The following VPS53 variants were observed in gnomAD, a reference collection of about 807,000 sequenced individuals.
VPS53 encodes VPS53 subunit of GARP complex.
VPS53 carries 70 observed loss-of-function variants against 107.0 expected under a neutral mutation model. The ratio of observed to expected loss-of-function variants is 0.65; its 90% confidence interval spans 0.54 to 0.80. VPS53 has a LOEUF of 0.80. Ranked by LOEUF, VPS53 falls within the 30% of genes least tolerant of loss-of-function variation. The pLI is 0.00. For synonymous variants in VPS53, 409 were observed against 393.3 expected (o/e 1.04, Z -0.47); for missense variants, 917 against 1,049.4 (o/e 0.87, Z 1.74).
intron 4 of VPS53, among the ~76,000 whole-genome samples, chr17:687,148 G>A (rs1402681719): frequency 6.6e-6 from 1 of 152,146 alleles, no homozygotes; most frequent in Non-Finnish European, 1.5e-5. Flanking sequence ...AGCCAGGCGT[G>A]GTGGTGGTCG....
intron 4 of VPS53, among the ~76,000 whole-genome samples, chr17:688,617 G>A (rs1468621400): frequency 6.6e-6 from 1 of 152,032 alleles, no homozygotes; most frequent in Non-Finnish European, 1.5e-5. Context: ...CACTCTAGAA[G>A]CAGGCAAAAT....
chr17:631,729 C>G (rs1351836126), intron 7 of VPS53, 101 bp from the exon 8 acceptor site: 11 of 1,072,778 alleles, frequency 1.0e-5, no homozygotes, highest in Non-Finnish European at 1.5e-5. Flanking sequence ...CGAGAAAGGC[C>G]AGGAAGGGTA....
chr17:671,600 C>T (rs985516958), intron 4 of VPS53, among the ~76,000 whole-genome samples: 7 of 152,178 alleles, frequency 4.6e-5, no homozygotes, highest in African/African-American at 1.4e-4. Context: ...GAATCGTTTA[C>T]CCAACACTCT....
At chr17:604,414 G>T (rs749946512) in intron 11 of VPS53, among the ~76,000 whole-genome samples, 1 of 152,108 alleles carries the variant, frequency 6.6e-6, no homozygotes, top group African/African-American at 2.4e-5. Flanking sequence ...TACTCTCGCC[G>T]GTGTAAAGCA....
rs948068087 is a variant in VPS53, at chr17:519,453, T to G, written c.2329-155A>C. Among the ~76,000 whole-genome samples, 1 of 151,678 alleles carries G rather than the reference T, an allele frequency of 6.6e-6. No homozygotes were observed. Among genetic ancestry groups the G allele is most frequent in the Non-Finnish European group, 1.5e-5 (1 of 67,932 alleles). ...AACCGTTTCCTCAAGGGACTCACCA[T>G]CCCCTGGGTAGTAGCGTGGGAGGAA... On this transcript the variant is annotated intron_variant, in intron 21 of 21. Transcript: ENST00000437048. This position sits in a 1 kb window ranked among gnomAD's most constrained non-coding sequence, Gnocchi z 5.0.
At chr17:661,752 A>G (rs920553618) in intron 5 of VPS53, 57 bp downstream of exon 5, 7 of 1,500,052 alleles carry the variant, frequency 4.7e-6, no homozygotes, top group Non-Finnish European at 4.5e-6. Flanking sequence ...GAATGCCTAG[A>G]TGAGAAGCTC....
chr17:579,832 T>C (rs1287437030), intron 13 of VPS53, among the ~76,000 whole-genome samples: 1 of 150,006 alleles, frequency 6.7e-6, no homozygotes, highest in African/African-American at 2.5e-5. Context: ...CCAGGGAACC[T>C]CCCTCATAAC....
intron 20 of VPS53, among the ~76,000 whole-genome samples, chr17:521,312 T>C (rs1221632933): frequency 1.3e-5 from 2 of 152,214 alleles, no homozygotes; most frequent in Non-Finnish European, 2.9e-5. Flanking sequence ...ATCCCTGACA[T>C]ACACTGATTC....
rs183940247 is a variant in VPS53, at chr17:539,552, T to C, written c.1867-2376A>G. Among the ~76,000 whole-genome samples, 23 of 152,340 alleles carry C rather than the reference T, an allele frequency of 1.5e-4. No homozygotes were observed. In the East Asian group the frequency reaches 3.5e-3, roughly 23 times the overall value. On this transcript the variant is annotated intron_variant, in intron 17 of 21. Coordinates refer to ENST00000437048, the MANE Select transcript of VPS53 (RefSeq NM_001128159.3). ...TAAAAGGTGACCTTACCTTTAGTAT[T>C]TTTTAAAAATGTGGCACACGCCTAT... is the stretch of plus-strand genomic sequence containing the variant.
At chr17:665,571 A>C (rs1971645405) in intron 4 of VPS53, among the ~76,000 whole-genome samples, 1 of 152,226 alleles carries the variant, frequency 6.6e-6, no homozygotes, top group Non-Finnish European at 1.5e-5. Context: ...CTTGAAGTGA[A>C]GGCTGGAAAA....
chr17:656,714 G>GTT, intron 5 of VPS53: 1 of 671,468 alleles, frequency 1.5e-6, no homozygotes, highest in East Asian at 2.7e-5. Flanking sequence ...GTGTGTGTGT[G>GTT]TGTGTGTGTG....
chr17:662,471 C>CTT (rs1309658905), intron 4 of VPS53, among the ~76,000 whole-genome samples: 1 of 151,940 alleles, frequency 6.6e-6, no homozygotes, highest in Non-Finnish European at 1.5e-5. Context: ...GGGCAGATCA[C>CTT]GAGGTCAGGA....
At chr17:618,208 C>T (rs532070909) in intron 11 of VPS53, among the ~76,000 whole-genome samples, 22 of 79,840 alleles carry the variant, frequency 2.8e-4, no homozygotes, top group African/African-American at 7.2e-4. Flanking sequence ...TGCGCCACCA[C>T]GCCCCACTAA....
chr17:585,185 C>A (rs570168809), intron 13 of VPS53, among the ~76,000 whole-genome samples: 17 of 152,282 alleles, frequency 1.1e-4, no homozygotes, highest in African/African-American at 4.1e-4. Context: ...TAATCGAAGT[C>A]CCCAATAATG....
chr17:525,458 G>C (rs146358873), intron 19 of VPS53, among the ~76,000 whole-genome samples: 1 of 152,242 alleles, frequency 6.6e-6, no homozygotes, highest in Admixed American at 6.5e-5. Context: ...GGAGGCTGAG[G>C]CAGAAGGATC....
intron 4 of VPS53, among the ~76,000 whole-genome samples, chr17:678,469 C>A (rs954707176): frequency 2.6e-5 from 4 of 151,448 alleles, no homozygotes; most frequent in African/African-American, 9.7e-5. Context: ...AATAAAAATT[C>A]TTTTTTATTT....
rs551325221 is a variant in VPS53, at chr17:604,586, G to A, written c.1117-2690C>T. On this transcript the variant is annotated intron_variant, in intron 11 of 21. Transcript: ENST00000437048. ...AGCCTCCTGAGTAGCTGGGACTACAGGTGCACATCACCACACCCAAGTAAT... is the reference window on the plus strand; with the variant it reads ...AGCCTCCTGAGTAGCTGGGACTACAAGTGCACATCACCACACCCAAGTAAT... 2.0e-5 allele frequency among the ~76,000 whole-genome samples: 3 copies of A among 152,308 alleles called. No individual in the cohort carries two copies. The East Asian group carries it at 5.8e-4, about 29-fold the overall frequency.
At position 515,718 on chromosome 17, in the gene VPS53, T is replaced by TG; in HGVS notation, c.*3409dup. The TG allele has an allele frequency of 6.6e-6, 1 of 151,946 alleles. No individual in the cohort carries two copies. Among genetic ancestry groups the TG allele is most frequent in the Non-Finnish European group, 1.5e-5 (1 of 68,000 alleles). The allele number at this position is 151,946 out of a possible 1,614,324, so 9.4% of individuals were successfully genotyped here. On this transcript the variant is annotated 3_prime_UTR_variant, in exon 22 of 22. Coordinates refer to ENST00000437048, the MANE Select transcript of VPS53 (RefSeq NM_001128159.3). ...GATGTTAATAAATAAAGCTTCTGCT[T>TG]GGGGGTTGGTCATCAAAACAAGAAG...
chr17:540,800 A>G (rs1257418461), intron 17 of VPS53, among the ~76,000 whole-genome samples: 1 of 152,094 alleles, frequency 6.6e-6, no homozygotes, highest in Non-Finnish European at 1.5e-5. Flanking sequence ...CCACAAGAAG[A>G]GACTGCAGGG....
Sources: allele counts gnomAD v4.1 joint callset (sites outside exome capture counted in the v4.1 genomes callset), GRCh38; gene constraint gnomAD v4.1.1; non-coding constraint Gnocchi (gnomAD v3.1); transcripts MANE v1.5; gene names NCBI Gene and HGNC (gene_info 2026-07-23, HGNC 2026-07-21).